The following PRH1 variants were observed in gnomAD, a reference collection of about 807,000 sequenced individuals.
PRH1 encodes proline rich protein HaeIII subfamily 1, also known as salivary acidic proline-rich phosphoprotein 1/2.
Under a neutral mutation model 7.9 loss-of-function variants are expected in PRH1, and 7 were observed. That is an observed-to-expected ratio of 0.89 (90% CI 0.50 to 1.67). The LOEUF is 1.67. Among genes scored for constraint, PRH1 ranks in the 40% most tolerant of loss-of-function variants. PRH1 has a pLI of 0.00. For synonymous variants in PRH1, 45 were observed against 80.8 expected (o/e 0.56, Z 2.38); for missense variants, 109 against 223.6 (o/e 0.49, Z 3.27).
intron 2 of PRH1, among the ~76,000 whole-genome samples, chr12:10,927,980 A>G (rs1950146639): frequency 6.6e-6 from 1 of 152,226 alleles, no homozygotes; most frequent in Non-Finnish European, 1.5e-5. Flanking sequence ...TTAATAGTTT[A>G]TTGTCCAATT....
chr12:10,942,313 C>T (rs529369214), intron 2 of PRH1, among the ~76,000 whole-genome samples: 1 of 152,064 alleles, frequency 6.6e-6, no homozygotes, highest in Non-Finnish European at 1.5e-5. Flanking sequence ...GCTCAGAATA[C>T]CAGGGTGGGT....
At chr12:10,906,261 G>A (rs1591664848) in intron 2 of PRH1, among the ~76,000 whole-genome samples, 1 of 152,188 alleles carries the variant, frequency 6.6e-6, no homozygotes, top group South Asian at 2.1e-4. Context: ...AAGGATAACT[G>A]TGCCTTATTG....
At chr12:11,124,085 A>G (rs1343679574) in intron 1 of PRH1, among the ~76,000 whole-genome samples, 2 of 152,228 alleles carry the variant, frequency 1.3e-5, no homozygotes, top group African/African-American at 4.8e-5. Context: ...AATTTGAAAG[A>G]AACCGGAAAT....
chr12:11,008,298 T>C (rs1437173203), intron 1 of PRH1, among the ~76,000 whole-genome samples: 1 of 151,988 alleles, frequency 6.6e-6, no homozygotes, highest in Non-Finnish European at 1.5e-5. Flanking sequence ...ATGAGACATT[T>C]CTCCTAATTC....
At chr12:11,145,489 A>G (rs1027416913) in intron 1 of PRH1, among the ~76,000 whole-genome samples, 1 of 152,142 alleles carries the variant, frequency 6.6e-6, no homozygotes, top group Non-Finnish European at 1.5e-5. Context: ...CACCATACCC[A>G]GTCTACATGT....
upstream of PRH1, among the ~76,000 whole-genome samples, chr12:11,049,809 T>C: frequency 6.6e-6 from 1 of 152,202 alleles, no homozygotes; most frequent in East Asian, 1.9e-4. Flanking sequence ...CATCCAAGAT[T>C]ATTTTGGAAA....
intron 2 of PRH1, among the ~76,000 whole-genome samples, chr12:10,960,343 C>T (rs1422923399): frequency 1.3e-5 from 2 of 152,186 alleles, no homozygotes; most frequent in African/African-American, 4.8e-5. Context: ...CATTTTATAT[C>T]CCTATTCAGT....
intron 1 of PRH1, among the ~76,000 whole-genome samples, chr12:11,131,705 T>TATATATCACTAG (rs1368305936): frequency 7.7e-6 from 1 of 130,210 alleles, no homozygotes. Context: ...GACTATATTA[T>TATATATCACTAG]TGTGATATTT....
At chr12:10,976,797 T>C (rs139396064) in intron 1 of PRH1, among the ~76,000 whole-genome samples, 10 of 152,106 alleles carry the variant, frequency 6.6e-5, no homozygotes, top group African/African-American at 2.4e-4. Flanking sequence ...CCTCTATGCA[T>C]ACAAGCTAGA....
chr12:11,131,030 T>C (rs1046531448), intron 1 of PRH1, among the ~76,000 whole-genome samples: 2 of 152,012 alleles, frequency 1.3e-5, no homozygotes, highest in East Asian at 1.9e-4. Context: ...GGGACTTGAA[T>C]GCATCACCAC....
chr12:10,964,859 TC>T (rs1253678931), intron 2 of PRH1: 19 of 551,308 alleles, frequency 3.4e-5, no homozygotes, highest in Non-Finnish European at 6.1e-5. Context: ...CAATTTGATC[TC>T]CCAACTCACG....
chr12:10,916,832 G>A (rs952292301), intron 2 of PRH1, among the ~76,000 whole-genome samples: 4 of 151,778 alleles, frequency 2.6e-5, no homozygotes, highest in Non-Finnish European at 5.9e-5. Flanking sequence ...AAGATATCTT[G>A]AGCCCAGGAG....
intron 2 of PRH1, among the ~76,000 whole-genome samples, chr12:10,971,203 C>T (rs915697696): frequency 1.3e-5 from 2 of 152,158 alleles, no homozygotes; most frequent in African/African-American, 2.4e-5. Flanking sequence ...TTTCCTCCTC[C>T]CTACTATCCA....
At position 10,973,108 on chromosome 12, in the gene PRH1, C is replaced by G. The variant is rs997751277; in HGVS notation, c.-59+547G>C. On this transcript the variant is annotated intron_variant, in intron 2 of 3. Transcript: ENST00000539853. ...TCAAACTGATCTCTCATGCTTAGGT[C>G]TATAAGTAAGTTATCCTTTTGGGTC... is the stretch of plus-strand genomic sequence containing the variant. Among the ~76,000 whole-genome samples, 4 of 152,020 alleles carry G rather than the reference C, an allele frequency of 2.6e-5. No homozygotes were observed. In the East Asian group the frequency reaches 7.7e-4, roughly 29 times the overall value.
In PRH1 at chr12:10,941,157, C is replaced by T. The variant is rs1950393544; in HGVS notation, c.-59+32498G>A. On this transcript the variant is annotated intron_variant, in intron 2 of 3. Coordinates refer to the PRH1 transcript ENST00000539853. ...TGGGTGGGGGGTTGTGTGGTGGGTT[C>T]TGTTGAGACTTCATGGATACTTTGA... Among the ~76,000 whole-genome samples the T allele has an allele frequency of 2.0e-5, 3 of 152,204 alleles. No homozygotes were observed. The South Asian group carries it at 6.2e-4, about 32-fold the overall frequency.
At chr12:11,149,422 T>C (rs1479268286) in intron 1 of PRH1, among the ~76,000 whole-genome samples, 1 of 152,058 alleles carries the variant, frequency 6.6e-6, no homozygotes. Flanking sequence ...CAAACTATAC[T>C]ACAAGGCTAC....
intron 2 of PRH1, chr12:10,973,482 G>A: frequency 2.0e-6 from 1 of 495,664 alleles, no homozygotes; most frequent in Non-Finnish European, 3.6e-6. Flanking sequence ...ATCAGCCTTA[G>A]GATAGCCATC....
At chr12:11,031,342 A>T (rs371809022) in intron 1 of PRH1, 365 of 1,610,178 alleles carry the variant, frequency 2.3e-4, no homozygotes, top group Non-Finnish European at 3.0e-4. Context: ...TCATGTCTGA[A>T]CAGACAAAAA....
At chr12:11,109,835 A>T (rs551156268) in intron 1 of PRH1, among the ~76,000 whole-genome samples, 1 of 152,284 alleles carries the variant, frequency 6.6e-6, no homozygotes, top group Non-Finnish European at 1.5e-5. Context: ...ATGAATTGAC[A>T]CAAGTAGGCT....
Sources: allele counts gnomAD v4.1 joint callset (sites outside exome capture counted in the v4.1 genomes callset), GRCh38; gene constraint gnomAD v4.1.1; transcripts MANE v1.5; gene names NCBI Gene and HGNC (gene_info 2026-07-23, HGNC 2026-07-21).